Variants in KCNH8 observed in about 807,000 individuals in gnomAD.
KCNH8 encodes voltage-gated delayed rectifier potassium channel KCNH8.
KCNH8 carries 70 observed loss-of-function variants against 103.6 expected under a neutral mutation model. The ratio of observed to expected loss-of-function variants is 0.68; its 90% CI spans 0.56 to 0.82. The LOEUF (loss-of-function observed/expected upper bound fraction) is 0.82. Ranked by LOEUF, KCNH8 falls within the 40% of genes least tolerant of loss-of-function variation. The probability of loss-of-function intolerance (pLI) is 0.00; values close to 1 mark genes in which losing one functional copy is unlikely to be tolerated. For missense variants in KCNH8, 1,217 were observed against 1,329.9 expected (o/e 0.92, Z 1.32); for synonymous variants, 498 against 489.4 (o/e 1.02, Z -0.23).
At chr3:19,239,166 A>G (rs935362249) in intron 1 of KCNH8, among the ~76,000 whole-genome samples, 3 of 151,724 alleles carry the variant, frequency 2.0e-5, no homozygotes, top group Admixed American at 6.6e-5. Context: ...TTTTTTTTTC[A>G]CCTAATAAAA....
chr3:19,420,836 A>G (rs899652498), intron 7 of KCNH8, among the ~76,000 whole-genome samples: 1 of 152,188 alleles, frequency 6.6e-6, no homozygotes, highest in Non-Finnish European at 1.5e-5. Flanking sequence ...AAAATCTGGT[A>G]TTATTTTATT....
At chr3:19,511,814 T>C (rs558852952) in intron 12 of KCNH8, among the ~76,000 whole-genome samples, 1 of 152,270 alleles carries the variant, frequency 6.6e-6, no homozygotes, top group South Asian at 2.1e-4. Flanking sequence ...AAGTAAACTA[T>C]GCATTTCACT....
At chr3:19,335,371 T>C (rs896726268) in intron 3 of KCNH8, among the ~76,000 whole-genome samples, 1 of 151,512 alleles carries the variant, frequency 6.6e-6, no homozygotes, top group Non-Finnish European at 1.5e-5. Context: ...ATATTCAGTT[T>C]ACTAATGTTT....
intron 1 of KCNH8, among the ~76,000 whole-genome samples, chr3:19,218,216 A>G (rs961039763): frequency 6.6e-6 from 1 of 152,132 alleles, no homozygotes; most frequent in Non-Finnish European, 1.5e-5. Context: ...ATCATAATGA[A>G]CCCTATGAAT....
chr3:19,161,273 T>A (rs2063231715), intron 1 of KCNH8, among the ~76,000 whole-genome samples: 1 of 152,200 alleles, frequency 6.6e-6, no homozygotes, highest in African/African-American at 2.4e-5. Flanking sequence ...CACCAGGTGG[T>A]ATTGGAACAT....
At chr3:19,369,553 G>T (rs894489476) in intron 5 of KCNH8, among the ~76,000 whole-genome samples, 1 of 151,978 alleles carries the variant, frequency 6.6e-6, no homozygotes, top group Non-Finnish European at 1.5e-5. Flanking sequence ...AGTATCTTGA[G>T]CCTGATTCAT....
At chr3:19,332,279 C>T (rs1024426369) in intron 3 of KCNH8, among the ~76,000 whole-genome samples, 5 of 152,144 alleles carry the variant, frequency 3.3e-5, no homozygotes, top group African/African-American at 1.2e-4. Flanking sequence ...ATCCCTAACC[C>T]TACTACTGCT....
rs756191866 is a variant in KCNH8 at position 19,438,404 on chromosome 3, C to A, written c.1375+43C>A. The stretch of plus-strand genomic sequence containing the variant: ...TTTATACTAAGAAGAGGAACTATGC[C>A]TACCTAACTGTCACTGCCTGTTTGT... On this transcript the variant is annotated intron_variant, in intron 8 of 15. Transcript: ENST00000328405. The A allele has an allele frequency of 4.8e-5, 72 of 1,495,448 alleles. No individual in the cohort carries two copies. In the Middle Eastern group the frequency reaches 8.5e-4, roughly 18 times the overall value. 92.6% of individuals were successfully genotyped at this position (1,495,448 alleles called of 1,614,324 possible). A position where few individuals can be genotyped will look rare whatever the true frequency, so the allele number is the denominator to read the frequency against.
chr3:19,477,085 G>A (rs2067992060), intron 11 of KCNH8, among the ~76,000 whole-genome samples: 1 of 152,128 alleles, frequency 6.6e-6, no homozygotes, highest in Non-Finnish European at 1.5e-5. Flanking sequence ...AAAGAAAAGT[G>A]TGTTTTGTGG....
chr3:19,436,238 T>C (rs1009609218), intron 7 of KCNH8, among the ~76,000 whole-genome samples: 1 of 152,296 alleles, frequency 6.6e-6, no homozygotes, highest in South Asian at 2.1e-4. Flanking sequence ...TATATTTAGA[T>C]TCTACTTTAT....
chr3:19,286,906 ATAAT>A (rs1406563771), intron 3 of KCNH8, among the ~76,000 whole-genome samples: 10 of 152,202 alleles, frequency 6.6e-5, no homozygotes, highest in Non-Finnish European at 8.8e-5. Flanking sequence ...CCTAGCAAAC[ATAAT>A]TAATGACTTT....
intron 11 of KCNH8, among the ~76,000 whole-genome samples, chr3:19,502,520 C>G (rs1043280142): frequency 3.3e-5 from 5 of 152,200 alleles, no homozygotes; most frequent in African/African-American, 1.2e-4. Context: ...TGACTTCAAA[C>G]TATACTACAA....
At chr3:19,518,723 C>T (rs192480722) in intron 15 of KCNH8, among the ~76,000 whole-genome samples, 286 of 152,116 alleles carry the variant, frequency 1.9e-3, no homozygotes, top group Non-Finnish European at 3.6e-3. Context: ...ATCTCTTATA[C>T]TCATTTTACA....
chr3:19,385,430 A>G (rs2066343511), intron 5 of KCNH8, among the ~76,000 whole-genome samples: 1 of 152,112 alleles, frequency 6.6e-6, no homozygotes, highest in African/African-American at 2.4e-5. Flanking sequence ...TACAGATACA[A>G]AGCAAAAGCC....
At chr3:19,265,457 A>G (rs889213217) in intron 2 of KCNH8, among the ~76,000 whole-genome samples, 2 of 152,018 alleles carry the variant, frequency 1.3e-5, no homozygotes, top group African/African-American at 4.8e-5. Context: ...CTTGTACATC[A>G]TAACCATTTA....
At chr3:19,431,204 T>C (rs1010060290) in intron 7 of KCNH8, among the ~76,000 whole-genome samples, 2 of 152,164 alleles carry the variant, frequency 1.3e-5, no homozygotes, top group Non-Finnish European at 2.9e-5. Flanking sequence ...AGGATGATGA[T>C]ATTTATCAAA....
rs144238760 is a variant in KCNH8, at chr3:19,291,416, T to A, written c.442+10087T>A. On this transcript the variant is annotated intron_variant, in intron 3 of 15. Transcript: ENST00000328405. ...ATTTCCCTCTTCACACTGCTTTGAA[T>A]GTGTCCCAAAGACTCTGGTATGTTG... is the stretch of plus-strand genomic sequence containing the variant. Among the ~76,000 whole-genome samples the A allele has an allele frequency of 3.6e-4, 55 of 152,360 alleles. No homozygotes were observed. The East Asian group carries it at 0.01, about 28-fold the overall frequency.
At chr3:19,469,617 C>T (rs953253826) in intron 11 of KCNH8, among the ~76,000 whole-genome samples, 5 of 152,028 alleles carry the variant, frequency 3.3e-5, no homozygotes, top group African/African-American at 9.7e-5. Context: ...TATTCTGAAA[C>T]TTTCCTCCTA....
intron 1 of KCNH8, among the ~76,000 whole-genome samples, chr3:19,181,023 A>G (rs1044908083): frequency 6.6e-6 from 1 of 152,200 alleles, no homozygotes; most frequent in African/African-American, 2.4e-5. Context: ...GAATATTATC[A>G]TAACAAACAT....
Sources: gnomAD v4.1 joint callset for allele counts (sites outside exome capture counted in the v4.1 genomes callset) on GRCh38, gnomAD v4.1.1 for gene constraint, MANE v1.5 for transcripts, NCBI Gene and HGNC (gene_info 2026-07-23, HGNC 2026-07-21) for gene names.